Variants in COLGALT1 observed in about 807,000 individuals in gnomAD.
The protein encoded by COLGALT1 is procollagen galactosyltransferase 1.
COLGALT1 carries 43 observed loss-of-function variants against 60.8 expected under a neutral mutation model. The observed-to-expected ratio is 0.71, with a 90% confidence interval of 0.55 to 0.91. The LOEUF is 0.91. COLGALT1 is among the 40% of genes least tolerant of loss of function. The probability of loss-of-function intolerance (pLI) is 0.00; values close to 1 mark genes in which losing one functional copy is unlikely to be tolerated. For missense variants in COLGALT1, 845 were observed against 880.0 expected (o/e 0.96, Z 0.50); for synonymous variants, 369 against 374.2 (o/e 0.99, Z 0.16).
chr19:17,577,307 T>A (rs779202260), intron 7 of COLGALT1, 36 bp downstream of exon 7: 1 of 1,610,642 alleles, frequency 6.2e-7, no homozygotes, highest in Admixed American at 1.7e-5. Flanking sequence ...GGGCGGGGGC[T>A]GGAGGGCCCT....
chr19:17,574,406 T>G (rs909848450), intron 6 of COLGALT1, among the ~76,000 whole-genome samples: 5 of 151,700 alleles, frequency 3.3e-5, no homozygotes, highest in African/African-American at 1.2e-4. Flanking sequence ...CTGGGCTCAC[T>G]TGAAACCTCC....
intron 9 of COLGALT1, 52 bp from the exon 10 acceptor site, chr19:17,579,430 G>A: frequency 1.2e-6 from 2 of 1,612,862 alleles, no homozygotes; most frequent in Admixed American, 1.7e-5. Flanking sequence ...TGTGCTTTAG[G>A]GTCAGGCCTG....
intron 3 of COLGALT1, among the ~76,000 whole-genome samples, chr19:17,563,389 G>T (rs901375984): frequency 9.9e-5 from 15 of 150,808 alleles, no homozygotes; most frequent in African/African-American, 3.4e-4. Context: ...TCACTCTGTC[G>T]CCCAGGCTGG....
chr19:17,568,601 G>A lies in COLGALT1; in HGVS notation c.717G>A (p.Leu239=). 6.2e-7 allele frequency: 1 copy of A among 1,614,216 alleles called. No homozygotes were observed. Residue 239 remains leucine, a synonymous_variant, in exon 5 of 12, where the codon CTG becomes CTA. Transcript: ENST00000252599. The stretch of plus-strand genomic sequence containing the variant: ...TTCCCATGGTGCACTCGACCTTCCT[G>A]ATCGACCTGCGGAAGGCGGCGTCCA... The part of the protein sequence containing the change: ...FAVPMVHSTF[L]IDLRKAASRN...
chr19:17,564,742 C>T (rs1382663776), intron 3 of COLGALT1, among the ~76,000 whole-genome samples: 1 of 152,104 alleles, frequency 6.6e-6, no homozygotes, highest in African/African-American at 2.4e-5. Flanking sequence ...ATTGTATCTC[C>T]TGGAGAGATT....
At position 17,555,837 on chromosome 19, in the gene COLGALT1, C is replaced by A. The variant is rs1197800903; in HGVS notation, c.124C>A (p.Arg42Ser). ...PGADAYFPEE[R>S]WSPESPLQAP... Reference sequence around the variant, plus strand: ...CGCCGACGCCTACTTCCCCGAGGAGCGCTGGAGCCCGGAGTCGCCCCTGCA... The same window carrying A: ...CGCCGACGCCTACTTCCCCGAGGAGAGCTGGAGCCCGGAGTCGCCCCTGCA... The change falls in exon 1 of 12, where the codon CGC becomes AGC. Residue 42 changes from arginine (R) to serine (S), a missense_variant. Transcript: ENST00000252599. The A allele has an allele frequency of 2.2e-6, 3 of 1,339,882 alleles. No individual in the cohort carries two copies. Among genetic ancestry groups the A allele is most frequent in the Non-Finnish European group, 1.9e-6 (2 of 1,042,438 alleles). The allele number at this position is 1,339,882 out of a possible 1,614,324, so 83.0% of individuals were successfully genotyped here. A position where few individuals can be genotyped will look rare whatever the true frequency, so the allele number is the denominator to read the frequency against.
At chr19:17,562,810 C>T (rs1294403479) in intron 3 of COLGALT1, among the ~76,000 whole-genome samples, 1 of 152,116 alleles carries the variant, frequency 6.6e-6, no homozygotes, top group African/African-American at 2.4e-5. Flanking sequence ...ACAGGTTCTG[C>T]TTTGACACTG....
At chr19:17,580,332 A>G (rs1358079530) in intron 10 of COLGALT1, 1 of 338,364 alleles carries the variant, frequency 3.0e-6, no homozygotes, top group East Asian at 7.2e-5. Context: ...ACACTGCCCC[A>G]TGTGAATAGT....
intron 10 of COLGALT1, chr19:17,580,175 T>C (rs1217948750): frequency 1.0e-5 from 2 of 198,330 alleles, no homozygotes; most frequent in South Asian, 1.8e-4. Flanking sequence ...GCGCCTGGTC[T>C]TAGACAAGCC....
chr19:17,568,823 C>A, intron 5 of COLGALT1, 110 bp downstream of exon 5: 3 of 1,075,394 alleles, frequency 2.8e-6, no homozygotes, highest in Non-Finnish European at 2.8e-6. Context: ...AACAATGCAG[C>A]GCAGGGCTGA....
rs750076793 is a variant in COLGALT1 at position 17,579,569 on chromosome 19, A to G, written c.1354A>G (p.Met452Val). 2 of 1,525,312 alleles carry G rather than the reference A, an allele frequency of 1.3e-6. No homozygotes were observed. The highest frequency in any genetic ancestry group is 1.8e-6 in the Non-Finnish European group (2 of 1,123,556). 94.5% of individuals were successfully genotyped at this position (1,525,312 alleles called of 1,614,324 possible). A position where few individuals can be genotyped will look rare whatever the true frequency, so the allele number is the denominator to read the frequency against. The change falls in exon 10 of 12, where the codon ATG becomes GTG. Residue 452 changes from methionine to valine, a missense_variant. Transcript: ENST00000252599. ...IFFKRRLMNL[M>V]RDVEREGLDW... The stretch of plus-strand genomic sequence containing the variant: ...CTTCAAGAGACGTCTGATGAACCTC[A>G]TGCGGGATGTGGAGCGGGAGGGCCT...
rs1400471383 is a variant in COLGALT1, at chr19:17,582,162, GC to G, written c.*720del. The G allele has an allele frequency of 6.6e-6, 1 of 152,134 alleles. No individual in the cohort carries two copies. Among genetic ancestry groups the G allele is most frequent in the Non-Finnish European group, 1.5e-5 (1 of 68,108 alleles). The allele number at this position is 152,134 out of a possible 1,614,324, so 9.4% of individuals were successfully genotyped here. A position where few individuals can be genotyped will look rare whatever the true frequency, so the allele number is the denominator to read the frequency against. On this transcript the variant is annotated 3_prime_UTR_variant, in exon 12 of 12. Coordinates refer to ENST00000252599, the MANE Select transcript of COLGALT1 (RefSeq NM_024656.4). ...GACCTCAAGTGATCTGCCCGCCTTGGCCACCCAAAGTGCTAGGGTTACAGGC... is the reference window on the plus strand; with the variant it reads ...GACCTCAAGTGATCTGCCCGCCTTGGCACCCAAAGTGCTAGGGTTACAGGC...
chr19:17,574,372 C>T (rs1156788941), intron 6 of COLGALT1, among the ~76,000 whole-genome samples: 1 of 151,774 alleles, frequency 6.6e-6, no homozygotes, highest in Non-Finnish European at 1.5e-5. Context: ...CTTTGTCACC[C>T]AGGCTGGAAT....
chr19:17,556,926 G>C (rs924145049), intron 1 of COLGALT1, among the ~76,000 whole-genome samples: 6 of 152,056 alleles, frequency 3.9e-5, no homozygotes, highest in Non-Finnish European at 1.5e-5. Context: ...AAAAGAAAAA[G>C]AAAAGAAAAT....
chr19:17,564,394 CAA>C (rs2076268338), intron 3 of COLGALT1, among the ~76,000 whole-genome samples: 1 of 139,454 alleles, frequency 7.2e-6, no homozygotes. Context: ...ACATATGAAA[CAA>C]GAAAGAAAAA....
rs558074377 is a variant in COLGALT1 at position 17,578,568 on chromosome 19, G to A, written c.1266+479G>A. On this transcript the variant is annotated intron_variant, in intron 9 of 11. Transcript: ENST00000252599. ...CTAGGCTTCGAACTTGGGCCATCAG[G>A]GCCGGGCATGGTGGCGCACACCTGT... Among the ~76,000 whole-genome samples, 7 of 152,310 alleles carry A rather than the reference G, an allele frequency of 4.6e-5. No homozygotes were observed. In the South Asian group the frequency reaches 1.5e-3, roughly 32 times the overall value.
At chr19:17,572,413 G>T in intron 5 of COLGALT1, 70 bp from the exon 6 acceptor site, 2 of 1,607,266 alleles carry the variant, frequency 1.2e-6, no homozygotes, top group Non-Finnish European at 1.7e-6. Context: ...TGAAGCCGTG[G>T]GATGGAAGGC....
At chr19:17,573,294 G>A (rs1319390465) in intron 6 of COLGALT1, among the ~76,000 whole-genome samples, 4 of 152,060 alleles carry the variant, frequency 2.6e-5, no homozygotes, top group Non-Finnish European at 4.4e-5. Context: ...TCGGGAGGAC[G>A]AGACGGGCGG....
chr19:17,565,507 C>T (rs1016335850), intron 3 of COLGALT1, among the ~76,000 whole-genome samples: 5 of 151,742 alleles, frequency 3.3e-5, no homozygotes, highest in African/African-American at 1.2e-4. Context: ...CGTACAAAGA[C>T]CTGTTTGAAT....
Sources: allele counts gnomAD v4.1 joint callset (sites outside exome capture counted in the v4.1 genomes callset), GRCh38; gene constraint gnomAD v4.1.1; transcripts MANE v1.5; gene names NCBI Gene and HGNC (gene_info 2026-07-23, HGNC 2026-07-21).